Variants in SPAM1 observed in about 807,000 individuals in gnomAD.
SPAM1 encodes the protein hyaluronidase PH-20.
A neutral mutation model predicts 29.6 loss-of-function variants in SPAM1; 22 were observed. The observed-to-expected ratio is 0.74, with a 90% CI of 0.53 to 1.06. The LOEUF is 1.06. SPAM1 is among the 50% of genes least tolerant of loss of function. The pLI is 0.00. For synonymous variants in SPAM1, 194 were observed against 204.6 expected (o/e 0.95, Z 0.44); for missense variants, 534 against 604.0 (o/e 0.88, Z 1.21).
chr7:123,930,750 C>T (rs532040138), intron 1 of SPAM1, among the ~76,000 whole-genome samples: 2 of 152,176 alleles, frequency 1.3e-5, no homozygotes, highest in Non-Finnish European at 1.5e-5. Context: ...AACTTACATA[C>T]AAGGATGGTC....
Position 123,953,871 on chromosome 7 carries a change from T to C in SPAM1, c.301T>C (p.Tyr101His). The C allele has an allele frequency of 6.2e-7, 1 of 1,613,720 alleles. No individual in the cohort carries two copies. The highest frequency in any genetic ancestry group is 8.5e-7 in the Non-Finnish European group (1 of 1,179,802). ...FYVDRLGYYP[Y>H]IDSITGVTVN... ...TGTTGATAGACTTGGCTACTATCCT[T>C]ACATAGATTCAATCACAGGAGTAAC... Residue 101 changes from tyrosine (Y) to histidine (H), a missense_variant, in exon 3 of 5, where the codon TAC becomes CAC. Transcript: ENST00000682466.
At chr7:123,947,341 G>C (rs1808609389) in intron 1 of SPAM1, among the ~76,000 whole-genome samples, 1 of 152,070 alleles carries the variant, frequency 6.6e-6, no homozygotes. Context: ...TTCAGCCCAG[G>C]AGTTCCAGAC....
chr7:123,934,529 T>G (rs1267136911), intron 1 of SPAM1, among the ~76,000 whole-genome samples: 2 of 152,194 alleles, frequency 1.3e-5, no homozygotes, highest in Non-Finnish European at 2.9e-5. Context: ...GTTAAAGAGA[T>G]ATCTGCACTC....
At chr7:123,952,763 T>C (rs1011580384) in intron 2 of SPAM1, among the ~76,000 whole-genome samples, 4 of 151,984 alleles carry the variant, frequency 2.6e-5, no homozygotes, top group African/African-American at 7.2e-5. Flanking sequence ...GAGTACATTA[T>C]TGTAAGATGT....
In SPAM1 at chr7:123,928,638, C is replaced by T. The variant is rs1425101609; in HGVS notation, c.-319+3286C>T. Among the ~76,000 whole-genome samples, 6 of 152,176 alleles carry T rather than the reference C, an allele frequency of 3.9e-5. No homozygotes were observed. The East Asian group carries it at 1.2e-3, about 29-fold the overall frequency. Reference sequence around the variant, plus strand: ...TTTGAGCCAGAAGTAGAGAAAGTCACATCAGTGTCAACTGAAAAATCCAGT... The same window carrying T: ...TTTGAGCCAGAAGTAGAGAAAGTCATATCAGTGTCAACTGAAAAATCCAGT... On this transcript the variant is annotated intron_variant, in intron 1 of 4. Transcript: ENST00000682466.
chr7:123,955,610 C>G (rs1792230969), intron 4 of SPAM1, among the ~76,000 whole-genome samples: 1 of 152,080 alleles, frequency 6.6e-6, no homozygotes, highest in South Asian at 2.1e-4. Flanking sequence ...CTCAGGACCT[C>G]AGCGAATAGT....
chr7:123,960,681 A>AC (rs1257510397), downstream of SPAM1, among the ~76,000 whole-genome samples: 1 of 151,324 alleles, frequency 6.6e-6, no homozygotes, highest in Non-Finnish European at 1.5e-5. Context: ...CTTTCCCCAT[A>AC]CCCCCCTAGA....
intron 1 of SPAM1, among the ~76,000 whole-genome samples, chr7:123,926,778 G>A (rs563401155): frequency 1.2e-4 from 18 of 152,252 alleles, no homozygotes; most frequent in East Asian, 5.8e-4. Context: ...ACCTGGGATC[G>A]ATAGAAAGGA....
intron 4 of SPAM1, 56 bp downstream of exon 4, chr7:123,955,142 G>A (rs547969516): frequency 8.0e-7 from 1 of 1,244,378 alleles, no homozygotes; most frequent in East Asian, 2.3e-5. Context: ...ATGTTTTTGG[G>A]GATTGTTTTG....
chr7:123,952,149 A>G (rs1364809850), intron 2 of SPAM1, among the ~76,000 whole-genome samples: 5 of 152,116 alleles, frequency 3.3e-5, no homozygotes, highest in Non-Finnish European at 7.4e-5. Flanking sequence ...GTCCTGAATA[A>G]AGAAGTTTAT....
At chr7:123,931,310 A>G (rs1043504518) in intron 1 of SPAM1, among the ~76,000 whole-genome samples, 1 of 152,170 alleles carries the variant, frequency 6.6e-6, no homozygotes, top group Non-Finnish European at 1.5e-5. Flanking sequence ...CATAAAACCT[A>G]AAAATATTAC....
intron 1 of SPAM1, among the ~76,000 whole-genome samples, chr7:123,927,969 G>C (rs1170559083): frequency 6.6e-6 from 1 of 152,144 alleles, no homozygotes; most frequent in African/African-American, 2.4e-5. Context: ...ATTGAGGTCA[G>C]AATAGTGGCT....
At chr7:123,934,319 A>C (rs1808185099) in intron 1 of SPAM1, among the ~76,000 whole-genome samples, 1 of 152,194 alleles carries the variant, frequency 6.6e-6, no homozygotes, top group Non-Finnish European at 1.5e-5. Context: ...TAGAATGGCC[A>C]TTATCAAAAA....
At chr7:123,946,484 C>CT (rs748362998) in intron 1 of SPAM1, among the ~76,000 whole-genome samples, 2 of 152,086 alleles carry the variant, frequency 1.3e-5, no homozygotes, top group African/African-American at 2.4e-5. Context: ...TGTCTTAATA[C>CT]ATTTAGAAAG....
Position 123,955,038 on chromosome 7 carries a change from T to G in SPAM1, c.996T>G (p.Gly332=), listed in dbSNP as rs749565132. 6.2e-7 allele frequency: 1 copy of G among 1,611,940 alleles called. No homozygotes were observed. The highest frequency in any genetic ancestry group is 8.5e-7 in the Non-Finnish European group (1 of 1,178,482). The change falls in exon 4 of 5, where the codon GGT becomes GGG. Residue 332 remains glycine, a synonymous_variant. Coordinates refer to ENST00000682466, the MANE Select transcript of SPAM1 (RefSeq NM_153189.3). ...VYTFGETVAL[G]ASGIVIWGTL... ...CATTTGGCGAAACTGTTGCTCTGGG[T>G]GCTTCTGGAATTGTAATATGGGGAA...
downstream of SPAM1, among the ~76,000 whole-genome samples, chr7:123,960,730 G>A (rs1030688951): frequency 2.0e-5 from 3 of 151,556 alleles, no homozygotes; most frequent in East Asian, 2.0e-4. Context: ...AAATCCATTC[G>A]GCTAGGTACT....
intron 6 of SPAM1, chr7:123,970,367 C>A: frequency 1.8e-6 from 2 of 1,129,438 alleles, no homozygotes; most frequent in Non-Finnish European, 2.5e-6. Flanking sequence ...TATAAGGACA[C>A]CAGTCATGTT....
At chr7:123,928,923 A>C (rs761454878) in intron 1 of SPAM1, among the ~76,000 whole-genome samples, 5 of 152,126 alleles carry the variant, frequency 3.3e-5, no homozygotes, top group African/African-American at 4.8e-5. Context: ...GTTTTTATAA[A>C]GACTAAATTT....
At chr7:123,957,622 A>G (rs1352148700) in intron 4 of SPAM1, among the ~76,000 whole-genome samples, 1 of 152,042 alleles carries the variant, frequency 6.6e-6, no homozygotes, top group African/African-American at 2.4e-5. Context: ...GAAATTTGTT[A>G]TCTTGTAGTT....
Sources: gnomAD v4.1 joint callset for allele counts (sites outside exome capture counted in the v4.1 genomes callset) on GRCh38, gnomAD v4.1.1 for gene constraint, MANE v1.5 for transcripts, NCBI Gene and HGNC (gene_info 2026-07-23, HGNC 2026-07-21) for gene names.